Variants in TFEB observed in about 807,000 individuals in gnomAD.
TFEB encodes the protein T-cell transcription factor EB.
TFEB carries 12 observed loss-of-function variants against 48.0 expected under a neutral mutation model. That is an observed-to-expected ratio of 0.25 (90% CI 0.16 to 0.40). The LOEUF is 0.40. TFEB is among the 10% of genes least tolerant of loss of function. The probability of loss-of-function intolerance (pLI) is 1.00; values close to 1 mark genes in which losing one functional copy is unlikely to be tolerated. For missense variants in TFEB, 509 were observed against 640.3 expected, an observed-to-expected ratio of 0.79 and a Z score of 2.21; for synonymous variants, 244 against 261.4, an observed-to-expected ratio of 0.93 and a Z score of 0.64.
chr6:41,709,229 A>G (rs1234271417), intron 1 of TFEB, among the ~76,000 whole-genome samples: 1 of 152,232 alleles, frequency 6.6e-6, no homozygotes, highest in Admixed American at 6.5e-5. Context: ...TTAAACACTA[A>G]GAGTGTGTGT....
intron 1 of TFEB, among the ~76,000 whole-genome samples, chr6:41,713,509 A>C (rs1002798114): frequency 6.6e-6 from 1 of 152,154 alleles, no homozygotes; most frequent in African/African-American, 2.4e-5. Flanking sequence ...AGCTGTAGGC[A>C]TGGGCAGCCT....
In TFEB at chr6:41,691,277, C is replaced by T. The variant is rs1769300677; in HGVS notation, c.-22-42G>A. On this transcript the variant is annotated intron_variant, in intron 1 of 8. Transcript: ENST00000373033. The surrounding 1 kb of genome is among the most constrained non-coding windows in gnomAD (Gnocchi z 5.2). ...GCAGCAGGTATATGAGGCACGTGTC[C>T]TCCTCAAAGCACAGGGGCTGGCAGG... The T allele has an allele frequency of 2.6e-6, 4 of 1,541,264 alleles. No individual in the cohort carries two copies. Among genetic ancestry groups the T allele is most frequent in the South Asian group, 1.2e-5 (1 of 83,964 alleles).
Position 41,703,841 on chromosome 6 carries a change from G to A in TFEB, c.-22-12606C>T, listed in dbSNP as rs529168882. ...CAGCTCCATCCACCATGATGGAGGC[G>A]TTCACATATCCCCTGTTTTACAGAG... On this transcript the variant is annotated intron_variant, in intron 1 of 8. Coordinates refer to ENST00000373033, the MANE Select transcript of TFEB (RefSeq NM_001271944.2). Among the ~76,000 whole-genome samples, 41 of 152,304 alleles carry A rather than the reference G, an allele frequency of 2.7e-4. No individual in the cohort carries two copies. In the South Asian group the frequency reaches 7.2e-3, roughly 27 times the overall value.
rs1293406242 is a variant in TFEB at position 41,720,100 on chromosome 6, G to C, written c.-23+15250C>G. On this transcript the variant is annotated intron_variant, in intron 1 of 8. Transcript: ENST00000373033. This position sits in a 1 kb window ranked among gnomAD's most constrained non-coding sequence, Gnocchi z 4.1. Reference sequence around the variant, plus strand: ...CCTGAGCCTCTGGGCTCTGTGCTCAGTGGGTTGGAAGCCACCCACAGCCTC... The same window carrying C: ...CCTGAGCCTCTGGGCTCTGTGCTCACTGGGTTGGAAGCCACCCACAGCCTC... 6.6e-6 allele frequency among the ~76,000 whole-genome samples: 1 copy of C among 152,226 alleles called. No homozygotes were observed. Among genetic ancestry groups the C allele is most frequent in the African/African-American group, 2.4e-5 (1 of 41,452 alleles).
chr6:41,713,693 G>A (rs897361496), intron 1 of TFEB, among the ~76,000 whole-genome samples: 2 of 152,264 alleles, frequency 1.3e-5, no homozygotes, highest in East Asian at 3.9e-4. Context: ...GCCAAAACAG[G>A]GAGGGCCCCT....
At chr6:41,700,338 C>T (rs903863279) in intron 1 of TFEB, among the ~76,000 whole-genome samples, 5 of 151,884 alleles carry the variant, frequency 3.3e-5, no homozygotes, top group African/African-American at 1.2e-4. Flanking sequence ...TGGTGGCGGG[C>T]GCCTGTAGTC....
At chr6:41,696,733 C>T (rs985606244) in intron 1 of TFEB, among the ~76,000 whole-genome samples, 5 of 152,060 alleles carry the variant, frequency 3.3e-5, no homozygotes, top group African/African-American at 4.8e-5. Context: ...AGTGGTGGTA[C>T]ATCCATACAA....
At chr6:41,715,699 G>A (rs1403969236) in intron 1 of TFEB, among the ~76,000 whole-genome samples, 4 of 151,550 alleles carry the variant, frequency 2.6e-5, no homozygotes, top group African/African-American at 7.3e-5. Flanking sequence ...AAAGTCTCAC[G>A]GATTCAGGTC....
At chr6:41,701,310 A>G (rs991607427) in intron 1 of TFEB, among the ~76,000 whole-genome samples, 6 of 152,064 alleles carry the variant, frequency 3.9e-5, no homozygotes, top group Admixed American at 2.0e-4. Context: ...TGGGCACTCC[A>G]TCTACTCCAG....
In TFEB at chr6:41,734,934, C is replaced by T. The variant is rs1045130402; in HGVS notation, c.-23+416G>A. 1.9e-4 allele frequency: 186 copies of T among 985,316 alleles called. No homozygotes were observed. The highest frequency in any genetic ancestry group is 2.2e-4 in the Non-Finnish European group (183 of 829,992). 61.0% of individuals were successfully genotyped at this position (985,316 alleles called of 1,614,324 possible). ...CCTCTCAGGCATCGCCGGCCCCAGCCGTGTCCGGTGGAGGGGGAGTGGGCG... is the reference window on the plus strand; with the variant it reads ...CCTCTCAGGCATCGCCGGCCCCAGCTGTGTCCGGTGGAGGGGGAGTGGGCG... On this transcript the variant is annotated intron_variant, in intron 1 of 8. Transcript: ENST00000373033. The surrounding 1 kb of genome is among the most constrained non-coding windows in gnomAD (Gnocchi z 4.0).
At chr6:41,698,118 T>C (rs1581893651) in intron 1 of TFEB, among the ~76,000 whole-genome samples, 1 of 152,380 alleles carries the variant, frequency 6.6e-6, no homozygotes, top group South Asian at 2.1e-4. Flanking sequence ...GCACCTTATG[T>C]AATTATCATA....
chr6:41,721,626 A>G (rs1447968649), intron 1 of TFEB, among the ~76,000 whole-genome samples: 1 of 152,210 alleles, frequency 6.6e-6, no homozygotes, highest in Admixed American at 6.5e-5. Flanking sequence ...CCCTCTCTAC[A>G]ACAGGCGCCT....
At chr6:41,705,528 C>T (rs1770167152) in intron 1 of TFEB, 1 of 152,350 alleles carries the variant, frequency 6.6e-6, no homozygotes, top group Non-Finnish European at 1.5e-5. Flanking sequence ...GTAAAGTCCA[C>T]CCTCTTCCCA....
At chr6:41,732,775 G>A (rs933457274) in intron 1 of TFEB, 25 of 985,810 alleles carry the variant, frequency 2.5e-5, no homozygotes, top group African/African-American at 3.5e-5. Flanking sequence ...GTCCTGGGAC[G>A]TGAACATTTC....
At chr6:41,694,529 G>T (rs1009911269) in intron 1 of TFEB, among the ~76,000 whole-genome samples, 15 of 152,088 alleles carry the variant, frequency 9.9e-5, no homozygotes, top group Admixed American at 7.9e-4. Flanking sequence ...ATGGGTATGG[G>T]GTAAGGGAGG....
intron 1 of TFEB, among the ~76,000 whole-genome samples, chr6:41,697,618 A>G (rs1041375390): frequency 1.3e-5 from 2 of 151,370 alleles, no homozygotes; most frequent in Non-Finnish European, 2.9e-5. Flanking sequence ...GCAATTTGGC[A>G]ATATATGTCA....
chr6:41,701,944 C>CAAAAAA (rs58971184), intron 1 of TFEB, among the ~76,000 whole-genome samples: 39 of 109,688 alleles, frequency 3.6e-4, no homozygotes, highest in East Asian at 8.3e-4. Context: ...GGCTCCGTCT[C>CAAAAAA]AAAAAAAAAA....
chr6:41,691,313 A>G lies in TFEB; in HGVS notation c.-22-78T>C. ...ACAGGGGCTGGCAGGGGGAGGCCAG[A>G]ATGACTGGGACCGCATCCATTTTAG... On this transcript the variant is annotated intron_variant, in intron 1 of 8. Transcript: ENST00000373033. This position sits in a 1 kb window ranked among gnomAD's most constrained non-coding sequence, Gnocchi z 5.2. The G allele has an allele frequency of 7.2e-7, 1 of 1,394,884 alleles. No homozygotes were observed. Among genetic ancestry groups the G allele is most frequent in the Non-Finnish European group, 1.0e-6 (1 of 1,004,940 alleles). The allele number at this position is 1,394,884 out of a possible 1,614,324, so 86.4% of individuals were successfully genotyped here.
chr6:41,697,408 C>CAAAAAAAAA (rs56059829), intron 1 of TFEB, among the ~76,000 whole-genome samples: 1,296 of 63,226 alleles, frequency 0.02, 129 homozygotes, highest in African/African-American at 0.093. Context: ...AACTCCATCT[C>CAAAAAAAAA]AAAAAAAAAA....
Sources: allele counts gnomAD v4.1 joint callset (sites outside exome capture counted in the v4.1 genomes callset), GRCh38; gene constraint gnomAD v4.1.1; non-coding constraint Gnocchi (gnomAD v3.1); transcripts MANE v1.5; gene names NCBI Gene and HGNC (gene_info 2026-07-23, HGNC 2026-07-21).